The following TSPAN18 variants were observed in gnomAD, a reference collection of about 807,000 sequenced individuals.
TSPAN18 encodes tetraspanin-18.
A neutral mutation model predicts 27.3 loss-of-function variants in TSPAN18; 14 were observed. That is an observed-to-expected ratio of 0.51 (90% CI 0.34 to 0.80). TSPAN18 has a LOEUF of 0.80. TSPAN18 is among the 30% of genes least tolerant of loss of function. TSPAN18 has a pLI of 0.01. For synonymous variants in TSPAN18, 143 were observed against 136.5 expected, an observed-to-expected ratio of 1.05 and a Z score of -0.33; for missense variants, 268 against 323.9, an observed-to-expected ratio of 0.83 and a Z score of 1.32.
At chr11:44,798,239 G>A (rs1291625280) in intron 2 of TSPAN18, among the ~76,000 whole-genome samples, 1 of 152,178 alleles carries the variant, frequency 6.6e-6, no homozygotes, top group Non-Finnish European at 1.5e-5. Context: ...CATCATAATA[G>A]CAGCTTCACT....
At chr11:44,791,054 G>C (rs1856207276) in intron 2 of TSPAN18, among the ~76,000 whole-genome samples, 1 of 152,202 alleles carries the variant, frequency 6.6e-6, no homozygotes, top group Non-Finnish European at 1.5e-5. Context: ...AGGCTAGCCT[G>C]GTTCCCATGG....
chr11:44,792,156 G>T (rs924360338), intron 2 of TSPAN18, among the ~76,000 whole-genome samples: 25 of 151,876 alleles, frequency 1.6e-4, no homozygotes, highest in African/African-American at 6.1e-4. Context: ...ATTTCTTATT[G>T]GCTCATATAT....
chr11:44,844,931 C>T (rs975452115), intron 2 of TSPAN18, among the ~76,000 whole-genome samples: 1 of 152,162 alleles, frequency 6.6e-6, no homozygotes, highest in Non-Finnish European at 1.5e-5. Context: ...GTCATCATCA[C>T]CATTGCAGAT....
chr11:44,756,279 C>T (rs1038152686), intron 1 of TSPAN18, among the ~76,000 whole-genome samples: 17 of 145,478 alleles, frequency 1.2e-4, no homozygotes, highest in Non-Finnish European at 1.5e-5. Context: ...GGGTGTAGCC[C>T]CCATCTGTTC....
chr11:44,746,380 T>C (rs906898679), intron 1 of TSPAN18, among the ~76,000 whole-genome samples: 4 of 152,152 alleles, frequency 2.6e-5, no homozygotes, highest in African/African-American at 9.7e-5. Flanking sequence ...TTTACTATCT[T>C]GGTGATTTGG....
intron 5 of TSPAN18, among the ~76,000 whole-genome samples, chr11:44,910,965 CA>C (rs1222766668): frequency 3.9e-5 from 6 of 152,234 alleles, no homozygotes; most frequent in Non-Finnish European, 8.8e-5. Context: ...AGCTATAGAT[CA>C]CAGCCAAACC....
intron 2 of TSPAN18, among the ~76,000 whole-genome samples, chr11:44,808,252 C>T (rs1012459963): frequency 2.0e-5 from 3 of 152,200 alleles, no homozygotes; most frequent in Non-Finnish European, 4.4e-5. Flanking sequence ...CAAGGTCACA[C>T]AGCTAGAAGA....
intron 2 of TSPAN18, among the ~76,000 whole-genome samples, chr11:44,802,680 G>A (rs1035165314): frequency 6.6e-6 from 1 of 151,466 alleles, no homozygotes; most frequent in African/African-American, 2.4e-5. Flanking sequence ...AGAGGTGGCT[G>A]GGGCTGCAGG....
chr11:44,742,051 A>G (rs1184583268), intron 1 of TSPAN18, among the ~76,000 whole-genome samples: 1 of 148,552 alleles, frequency 6.7e-6, no homozygotes, highest in Non-Finnish European at 1.5e-5. Flanking sequence ...TTTTATCTCC[A>G]TTTTACAGAA....
intron 2 of TSPAN18, among the ~76,000 whole-genome samples, chr11:44,852,285 C>T (rs1027350978): frequency 2.6e-5 from 4 of 152,118 alleles, no homozygotes; most frequent in African/African-American, 4.8e-5. Context: ...GAGGCAATGG[C>T]AATGTTACAT....
At chr11:44,760,090 TG>T (rs751112789) in intron 1 of TSPAN18, among the ~76,000 whole-genome samples, 80 of 152,246 alleles carry the variant, frequency 5.3e-4, no homozygotes, top group South Asian at 2.5e-3. Flanking sequence ...ACTTTTACTG[TG>T]GGGTCTTTGC....
At chr11:44,732,425 C>T (rs1477316190) in intron 1 of TSPAN18, among the ~76,000 whole-genome samples, 1 of 152,186 alleles carries the variant, frequency 6.6e-6, no homozygotes, top group Non-Finnish European at 1.5e-5. Context: ...ATTTGATCCT[C>T]GGTTGATCTG....
At position 44,879,531 on chromosome 11, in the gene TSPAN18, G is replaced by A. The variant is rs80348700; in HGVS notation, c.-11+19062G>A. 9.3e-3 allele frequency among the ~76,000 whole-genome samples: 1,415 copies of A among 152,384 alleles called. 8 individuals carry two copies. Among genetic ancestry groups the A allele is most frequent in the Non-Finnish European group, 0.015 (991 of 68,032 alleles). On this transcript the variant is annotated intron_variant, in intron 3 of 9. Coordinates refer to ENST00000520358, the MANE Select transcript of TSPAN18 (RefSeq NM_130783.5). ...TGAATAAGTCGAATAAATGAGCCAT[G>A]TGGAATATCTGGGGGAAGAGAGTCC... is the stretch of plus-strand genomic sequence containing the variant.
intron 2 of TSPAN18, among the ~76,000 whole-genome samples, chr11:44,819,646 CTT>C (rs1048012865): frequency 2.6e-5 from 4 of 151,728 alleles, no homozygotes; most frequent in African/African-American, 9.7e-5. Context: ...ATTTAATTGA[CTT>C]TTCTCCCCTC....
chr11:44,794,046 C>T (rs549769166), intron 2 of TSPAN18, among the ~76,000 whole-genome samples: 2 of 152,312 alleles, frequency 1.3e-5, no homozygotes, highest in African/African-American at 4.8e-5. Flanking sequence ...GTCCATTAAT[C>T]CTTTAGCTCT....
chr11:44,796,500 G>A (rs915333138), intron 2 of TSPAN18, among the ~76,000 whole-genome samples: 5 of 152,134 alleles, frequency 3.3e-5, no homozygotes, highest in African/African-American at 1.2e-4. Context: ...TGGAGTCATC[G>A]TCCCTGTTTC....
rs1860590439 is a variant in TSPAN18, at chr11:44,932,052, G to A, written c.*2874G>A. ...GTGAGGGCCCCTCCCCAGGGTCCCT[G>A]TTAATTTCTGGCCTTGGTGCTCAGG... On this transcript the variant is annotated 3_prime_UTR_variant, in exon 10 of 10. Coordinates refer to ENST00000520358, the MANE Select transcript of TSPAN18 (RefSeq NM_130783.5). The A allele has an allele frequency of 6.6e-6, 1 of 152,164 alleles. No homozygotes were observed. 9.4% of individuals were successfully genotyped at this position (152,164 alleles called of 1,614,324 possible). A position where few individuals can be genotyped will look rare whatever the true frequency, so the allele number is the denominator to read the frequency against.
chr11:44,912,188 A>T (rs1859745999), intron 5 of TSPAN18, among the ~76,000 whole-genome samples: 1 of 151,614 alleles, frequency 6.6e-6, no homozygotes, highest in Non-Finnish European at 1.5e-5. Context: ...CGCCCAGCTA[A>T]TTTTTGTATT....
At chr11:44,783,476 G>A (rs1295399421) in intron 2 of TSPAN18, among the ~76,000 whole-genome samples, 1 of 151,208 alleles carries the variant, frequency 6.6e-6, no homozygotes, top group African/African-American at 2.4e-5. Context: ...TCGGCTCACT[G>A]CAACCTCCAC....
Sources: gnomAD v4.1 joint callset for allele counts (sites outside exome capture counted in the v4.1 genomes callset) on GRCh38, gnomAD v4.1.1 for gene constraint, MANE v1.5 for transcripts, NCBI Gene and HGNC (gene_info 2026-07-23, HGNC 2026-07-21) for gene names.